Variants in ESRRG observed in about 807,000 individuals in gnomAD.
ESRRG encodes estrogen related receptor gamma.
Under a neutral mutation model 44.0 loss-of-function variants are expected in ESRRG, and 13 were observed. The ratio of observed to expected loss-of-function variants is 0.30; its 90% CI spans 0.19 to 0.47. The LOEUF (loss-of-function observed/expected upper bound fraction) is 0.47. Among genes scored for constraint, ESRRG ranks in the 20% least tolerant of loss-of-function variants. The pLI is 1.00. For synonymous variants in ESRRG, 215 were observed against 214.6 expected, an observed-to-expected ratio of 1.00 and a Z score of -0.02; for missense variants, 395 against 580.6, an observed-to-expected ratio of 0.68 and a Z score of 3.29.
chr1:216,868,237 G>A (rs760391510), intron 2 of ESRRG, among the ~76,000 whole-genome samples: 18 of 151,690 alleles, frequency 1.2e-4, no homozygotes, highest in African/African-American at 3.6e-4. Flanking sequence ...ACAGGCATGC[G>A]CCACCATGCC....
At chr1:217,098,240 C>G (rs1278712850) in intron 1 of ESRRG, among the ~76,000 whole-genome samples, 7 of 152,072 alleles carry the variant, frequency 4.6e-5, no homozygotes, top group Non-Finnish European at 8.8e-5. Context: ...TAAATGAACC[C>G]TAGACAGAGT....
intron 5 of ESRRG, among the ~76,000 whole-genome samples, chr1:216,528,452 T>G (rs1327903850): frequency 6.6e-6 from 1 of 152,158 alleles, no homozygotes; most frequent in Non-Finnish European, 1.5e-5. Flanking sequence ...TTTTTGTTAT[T>G]TATAAGTACT....
chr1:216,767,345 C>G (rs1184163891), intron 2 of ESRRG, among the ~76,000 whole-genome samples: 4 of 151,946 alleles, frequency 2.6e-5, no homozygotes, highest in Admixed American at 2.6e-4. Context: ...TAAGGGCATA[C>G]AGAAAGAAAG....
At chr1:217,013,913 G>T (rs1216843301) in intron 1 of ESRRG, among the ~76,000 whole-genome samples, 1 of 152,120 alleles carries the variant, frequency 6.6e-6, no homozygotes, top group African/African-American at 2.4e-5. Context: ...TCATGAAAAT[G>T]AAAGCCAACT....
intron 1 of ESRRG, among the ~76,000 whole-genome samples, chr1:217,034,080 C>T (rs1377758190): frequency 6.6e-6 from 1 of 152,098 alleles, no homozygotes; most frequent in African/African-American, 2.4e-5. Flanking sequence ...TTCTGAAGAG[C>T]CAGACAAGTT....
intron 3 of ESRRG, among the ~76,000 whole-genome samples, chr1:216,579,224 T>C (rs1242184850): frequency 6.6e-6 from 1 of 152,158 alleles, no homozygotes; most frequent in African/African-American, 2.4e-5. Context: ...TATTTGGACA[T>C]CTGGATTACA....
At chr1:216,755,635 C>A (rs971281473) in intron 2 of ESRRG, among the ~76,000 whole-genome samples, 3 of 152,042 alleles carry the variant, frequency 2.0e-5, no homozygotes, top group Non-Finnish European at 4.4e-5. Flanking sequence ...TCAATCCTTG[C>A]TGTCAGTCCC....
At chr1:217,108,092 T>C (rs1414915723) in intron 1 of ESRRG, among the ~76,000 whole-genome samples, 2 of 152,164 alleles carry the variant, frequency 1.3e-5, no homozygotes, top group African/African-American at 4.8e-5. Flanking sequence ...TACCCAGTTT[T>C]CCAAAAATTC....
intron 2 of ESRRG, among the ~76,000 whole-genome samples, chr1:216,854,082 G>T (rs1418104558): frequency 6.6e-6 from 1 of 151,960 alleles, no homozygotes; most frequent in Non-Finnish European, 1.5e-5. Context: ...GATGTGGCAG[G>T]GTGCGGTGGC....
At chr1:216,956,587 T>C (rs1033474199) in intron 1 of ESRRG, among the ~76,000 whole-genome samples, 12 of 152,182 alleles carry the variant, frequency 7.9e-5, no homozygotes, top group Non-Finnish European at 1.5e-5. Flanking sequence ...CTATTTGAAG[T>C]CTTTTGTGGT....
rs139727354 is a variant in ESRRG, at chr1:217,101,420, T to G, written c.-230+36247A>C. On this transcript the variant is annotated intron_variant, in intron 1 of 8. Coordinates refer to the ESRRG transcript ENST00000366940. The stretch of plus-strand genomic sequence containing the variant: ...CAGTTATTATTTTTGACACATGTGT[T>G]AATGATCCTTAAATCATTAATTCTA... 2.7e-3 allele frequency among the ~76,000 whole-genome samples: 412 copies of G among 152,356 alleles called. 1 individual carries two copies. The highest frequency in any genetic ancestry group is 9.4e-3 in the African/African-American group (392 of 41,584).
At chr1:216,557,414 G>A (rs2057805624) in intron 5 of ESRRG, among the ~76,000 whole-genome samples, 1 of 151,938 alleles carries the variant, frequency 6.6e-6, no homozygotes, top group Non-Finnish European at 1.5e-5. Flanking sequence ...GGAAGCCACT[G>A]TTAAAAAACC....
chr1:216,664,998 C>A (rs914645203), intron 2 of ESRRG, among the ~76,000 whole-genome samples: 3 of 152,092 alleles, frequency 2.0e-5, no homozygotes, highest in Non-Finnish European at 4.4e-5. Flanking sequence ...GAGAGGAATG[C>A]ACAAAGAAAA....
At chr1:216,688,674 G>T (rs948398299) in intron 1 of ESRRG, among the ~76,000 whole-genome samples, 1 of 151,902 alleles carries the variant, frequency 6.6e-6, no homozygotes, top group African/African-American at 2.4e-5. Context: ...CCAATGCAGA[G>T]ATATGAAATT....
chr1:216,683,279 G>A (rs1055630104), intron 1 of ESRRG, among the ~76,000 whole-genome samples: 2 of 152,090 alleles, frequency 1.3e-5, no homozygotes, highest in African/African-American at 2.4e-5. Flanking sequence ...TGACCCACAC[G>A]CTCAGAAAGA....
chr1:216,814,303 T>C (rs1283653452), intron 2 of ESRRG, among the ~76,000 whole-genome samples: 1 of 152,156 alleles, frequency 6.6e-6, no homozygotes. Context: ...GAGAATTCCA[T>C]CTGTAGAATG....
intron 2 of ESRRG, among the ~76,000 whole-genome samples, chr1:216,934,892 C>A (rs910664282): frequency 1.3e-5 from 2 of 152,074 alleles, no homozygotes; most frequent in Non-Finnish European, 2.9e-5. Context: ...GGTTAGAGAA[C>A]CACTATTTTA....
At chr1:216,678,435 A>G (rs1354556982) in intron 1 of ESRRG, among the ~76,000 whole-genome samples, 3 of 152,204 alleles carry the variant, frequency 2.0e-5, no homozygotes, top group Admixed American at 2.0e-4. Flanking sequence ...AATGTAGCAT[A>G]TTTTGTCCTA....
At chr1:216,935,735 G>T (rs1005674967) in intron 2 of ESRRG, among the ~76,000 whole-genome samples, 3 of 151,910 alleles carry the variant, frequency 2.0e-5, no homozygotes, top group Admixed American at 1.3e-4. Context: ...TCCTGCCTCA[G>T]CCTCCCGAGT....
Sources: gnomAD v4.1 joint callset for allele counts (sites outside exome capture counted in the v4.1 genomes callset) on GRCh38, gnomAD v4.1.1 for gene constraint, MANE v1.5 for transcripts, NCBI Gene and HGNC (gene_info 2026-07-23, HGNC 2026-07-21) for gene names.